The following PTCH1 variants were observed in gnomAD, a reference collection of about 807,000 sequenced individuals.
PTCH1 encodes protein patched homolog 1.
In PTCH1, 14 loss-of-function variants were observed where a neutral mutation model predicts 144.6. The observed-to-expected ratio is 0.10, with a 90% CI of 0.06 to 0.15. PTCH1 has a LOEUF of 0.15. Ranked by LOEUF, PTCH1 falls within the 10% of genes least tolerant of loss-of-function variation. PTCH1 has a pLI of 1.00. For synonymous variants in PTCH1, 833 were observed against 793.6 expected, an observed-to-expected ratio of 1.05 and a Z score of -0.83; for missense variants, 1,623 against 1,948.3, an observed-to-expected ratio of 0.83 and a Z score of 3.14.
chr9:95,506,750 C>A, intron 1 of PTCH1, 151 bp from the exon 2 acceptor site: 2 of 1,064,016 alleles, frequency 1.9e-6, no homozygotes, highest in African/African-American at 1.7e-5. Flanking sequence ...ACTGCAGCCC[C>A]GGCGGATCTG....
chr9:95,476,219 G>C lies in PTCH1; in HGVS notation c.1603-60C>G, dbSNP rs562048222. 244 of 1,581,586 alleles carry C rather than the reference G, an allele frequency of 1.5e-4. No individual in the cohort carries two copies. The African/African-American group carries it at 3.0e-3, about 20-fold the overall frequency. ...CTGGACATGGTCCCCTTGGAGCACA[G>C]ACTGTGTGAGCAGATACGTGGCAGA... On this transcript the variant is annotated intron_variant, in intron 11 of 23. Transcript: ENST00000331920. The surrounding 1 kb of genome is among the most constrained non-coding windows in gnomAD (Gnocchi z 4.6).
Position 95,445,522 on chromosome 9 carries a change from A to T in PTCH1, c.*871T>A, listed in dbSNP as rs1837810489. On this transcript the variant is annotated 3_prime_UTR_variant, in exon 24 of 24. Coordinates refer to ENST00000331920, the MANE Select transcript of PTCH1 (RefSeq NM_000264.5). ...AGGAGATTATCCCCCTGAAGCACAAATTGGGGTCCTGGATGGCAGCCAATG... is the reference window on the plus strand; with the variant it reads ...AGGAGATTATCCCCCTGAAGCACAATTTGGGGTCCTGGATGGCAGCCAATG... 1 of 152,236 alleles carries T rather than the reference A, an allele frequency of 6.6e-6. No individual in the cohort carries two copies. The highest frequency in any genetic ancestry group is 1.5e-5 in the Non-Finnish European group (1 of 68,072). The allele number at this position is 152,236 out of a possible 1,614,324, so 9.4% of individuals were successfully genotyped here. A position where few individuals can be genotyped will look rare whatever the true frequency, so the allele number is the denominator to read the frequency against.
intron 1 of PTCH1, chr9:95,507,795 T>G: frequency 7.3e-6 from 3 of 412,564 alleles, no homozygotes; most frequent in Non-Finnish European, 1.1e-5. Context: ...GAGGAAGAAG[T>G]TCAGGGCAGG....
At position 95,508,373 on chromosome 9, in the gene PTCH1, C is replaced by CGCT. The variant is rs1343887515; in HGVS notation, c.-13_-12insAGC. On this transcript the variant is annotated 5_prime_UTR_variant, in exon 1 of 24. Transcript: ENST00000331920. ...CCAGCCGAGGCCATGTTGCCGCCGC[C>CGCT]GCCGCCGCCGCCGCGGGGACGGAGG... The CGCT allele has an allele frequency of 1.5e-5, 17 of 1,148,326 alleles. No individual in the cohort carries two copies. The highest frequency in any genetic ancestry group is 1.4e-5 in the Non-Finnish European group (13 of 934,924). 71.1% of individuals were successfully genotyped at this position (1,148,326 alleles called of 1,614,324 possible). A position where few individuals can be genotyped will look rare whatever the true frequency, so the allele number is the denominator to read the frequency against.
In PTCH1 at chr9:95,447,069, C is replaced by T. The variant is rs747923595; in HGVS notation, c.4187G>A (p.Gly1396Glu). The change falls in exon 23 of 24, where the codon GGA becomes GAA. Residue 1396 changes from glycine to glutamate, a missense_variant. Coordinates refer to ENST00000331920, the MANE Select transcript of PTCH1 (RefSeq NM_000264.5). ...AGTCTCAGGGTAGCCTGGGCAGAGT[C>T]CCCCTCGGGGGTTCCGCCCAGGCCC... ...VPGPGRNPRG[G>E]LCPGYPETDH... The T allele has an allele frequency of 3.7e-6, 6 of 1,613,942 alleles. No homozygotes were observed. The African/African-American group carries it at 4.0e-5, about 11-fold the overall frequency.
intron 12 of PTCH1, among the ~76,000 whole-genome samples, chr9:95,473,572 TC>T (rs1840772891): frequency 6.9e-6 from 1 of 144,238 alleles, no homozygotes; most frequent in Non-Finnish European, 1.5e-5. Flanking sequence ...TGAGACAGAG[TC>T]TTGTTCTGTC....
At chr9:95,516,401 G>T (rs1277798636) in intron 1 of PTCH1, 7 of 1,232,398 alleles carry the variant, frequency 5.7e-6, no homozygotes. Flanking sequence ...CCGTGTCCCC[G>T]CGCCGCCCGA....
At chr9:95,483,256 C>CTTGCT in intron 3 of PTCH1, 1 of 148,744 alleles carries the variant, frequency 6.7e-6, no homozygotes, top group South Asian at 2.1e-4. Flanking sequence ...AAGCAAGACC[C>CTTGCT]TATCTCTCAA....
intron 2 of PTCH1, chr9:95,494,324 C>T (rs1390998543): frequency 2.0e-6 from 2 of 985,392 alleles, no homozygotes; most frequent in East Asian, 1.1e-4. Flanking sequence ...GACCTGCTGC[C>T]TGTCGCAGCT....
chr9:95,509,975 C>T (rs1431689168), upstream of PTCH1, among the ~76,000 whole-genome samples: 1 of 150,930 alleles, frequency 6.6e-6, no homozygotes, highest in Admixed American at 6.6e-5. Flanking sequence ...AATCCGTCTG[C>T]CCCCCAGCCG....
In PTCH1 at chr9:95,508,901, G is replaced by C. The variant is rs1007768740; in HGVS notation, c.-540C>G. On this transcript the variant is annotated 5_prime_UTR_variant, in exon 1 of 24. Coordinates refer to ENST00000331920, the MANE Select transcript of PTCH1 (RefSeq NM_000264.5). The stretch of plus-strand genomic sequence containing the variant: ...GAGCCGCCGCCGCCGCGGGGTCCGA[G>C]GGTGCCCGGCGGGTCTCAGCGCTGC... 1.2e-3 allele frequency: 1,058 copies of C among 896,798 alleles called. 2 individuals are homozygous for C. The highest frequency in any genetic ancestry group is 1.3e-3 in the Non-Finnish European group (1,007 of 749,852). The allele number at this position is 896,798 out of a possible 1,614,324, so 55.6% of individuals were successfully genotyped here. A position where few individuals can be genotyped will look rare whatever the true frequency, so the allele number is the denominator to read the frequency against.
In PTCH1 at chr9:95,467,322, G is replaced by T. The variant is rs1840099278; in HGVS notation, c.2354C>A (p.Thr785Asn). Residue 785 changes from threonine (T) to asparagine (N), a missense_variant, in exon 15 of 24, where the codon ACC becomes AAC. This residue lies in a region of PTCH1 where 504 missense variants were observed against 679.3 expected (regional missense o/e 0.74). Transcript: ENST00000331920. ...LDLTDIVPRETREYDFIAAQF... is the reference protein window; with the variant it reads ...LDLTDIVPRENREYDFIAAQF... ...TGCAGCAATAAAGTCATATTCTCTG[G>T]TTTCCCGAGGTACAATGTCCGTAAG... 6.2e-7 allele frequency: 1 copy of T among 1,614,066 alleles called. No individual in the cohort carries two copies. Among genetic ancestry groups the T allele is most frequent in the African/African-American group, 1.3e-5 (1 of 74,922 alleles).
Position 95,461,896 on chromosome 9 carries a change from A to C in PTCH1, c.2663T>G (p.Val888Gly). Residue 888 changes from valine (V) to glycine (G), a missense_variant, in exon 16 of 24, where the codon GTG becomes GGG. Physicochemically the swap from Val to Gly is moderately radical, Grantham distance 109. This residue lies in a region of PTCH1 where 504 missense variants were observed against 679.3 expected (regional missense o/e 0.74). Coordinates refer to ENST00000331920, the MANE Select transcript of PTCH1 (RefSeq NM_000264.5). ...GGGCTTATCGCGGCTGCCGGTTTGC[A>C]CCAGGAGTTTGTAGGCAAGGACTCC... ...DDGVLAYKLL[V>G]QTGSRDKPID... 6.2e-7 allele frequency: 1 copy of C among 1,614,246 alleles called. No individual in the cohort carries two copies. Among genetic ancestry groups the C allele is most frequent in the South Asian group, 1.1e-5 (1 of 91,090 alleles).
chr9:95,462,505 T>C (rs1055579291), intron 15 of PTCH1, among the ~76,000 whole-genome samples: 5 of 152,222 alleles, frequency 3.3e-5, no homozygotes, highest in African/African-American at 1.2e-4. Context: ...ATTTGTTCCA[T>C]CTGTTCGACT....
At position 95,485,671 on chromosome 9, in the gene PTCH1, G is replaced by A. The variant is rs372641261; in HGVS notation, c.584+14C>T. Reference sequence around the variant, plus strand: ...ACCTGCTGCTCATTAGTAGGTGGACGCGGCGGGCCTTACCTGTTGTACATG... The same window carrying A: ...ACCTGCTGCTCATTAGTAGGTGGACACGGCGGGCCTTACCTGTTGTACATG... On this transcript the variant is annotated intron_variant, in intron 3 of 23. Coordinates refer to ENST00000331920, the MANE Select transcript of PTCH1 (RefSeq NM_000264.5). The A allele has an allele frequency of 8.4e-5, 136 of 1,613,846 alleles. No homozygotes were observed. Among genetic ancestry groups the A allele is most frequent in the African/African-American group, 3.5e-4 (26 of 74,914 alleles).
intron 3 of PTCH1, 76 bp downstream of exon 3, chr9:95,485,609 A>C: frequency 1.9e-6 from 3 of 1,562,266 alleles, no homozygotes; most frequent in Non-Finnish European, 2.6e-6. Context: ...TTACTAAAAT[A>C]ACGGGGCCTA....
chr9:95,495,261 A>G (rs1404632939), intron 2 of PTCH1: 1 of 152,194 alleles, frequency 6.6e-6, no homozygotes, highest in Non-Finnish European at 1.5e-5. Flanking sequence ...ACCACTTCTT[A>G]TAGCCACCAA....
chr9:95,480,435 G>A lies in PTCH1; in HGVS notation c.900C>T (p.Ala300=), dbSNP rs201962105. The A allele has an allele frequency of 1.2e-5, 19 of 1,611,110 alleles. No individual in the cohort carries two copies. Among genetic ancestry groups the A allele is most frequent in the Admixed American group, 1.0e-4 (6 of 59,512 alleles). ...GGGCTGTGGCGGGGCAGTCTGGATC[G>A]GCCGGATTGAGGCAGGGGCGGTCCA... The part of the protein sequence containing the change: ...GYMDRPCLNP[A]DPDCPATAPN... Residue 300 remains alanine (A), a synonymous_variant, in exon 6 of 24, where the codon GCC becomes GCT. Coordinates refer to ENST00000331920, the MANE Select transcript of PTCH1 (RefSeq NM_000264.5).
exon 1 of PTCH1, chr9:95,516,965 TA>T: frequency 1.7e-6 from 1 of 587,386 alleles, no homozygotes. Flanking sequence ...CCCTCCTGGG[TA>T]AACAGGCGCT....
Sources: gnomAD v4.1 joint callset for allele counts (sites outside exome capture counted in the v4.1 genomes callset) on GRCh38, gnomAD v4.1.1 for gene constraint, gnomAD v4.1.1 regional missense constraint, Gnocchi (gnomAD v3.1) non-coding constraint, MANE v1.5 for transcripts, NCBI Gene and HGNC (gene_info 2026-07-23, HGNC 2026-07-21) for gene names.